Variants in FLT4 observed in about 807,000 individuals in gnomAD.
The protein encoded by FLT4 is vascular endothelial growth factor receptor 3.
Under a neutral mutation model 163.2 loss-of-function variants are expected in FLT4, and 30 were observed. The observed-to-expected ratio is 0.18, with a 90% CI of 0.14 to 0.25. FLT4 has a LOEUF of 0.25. Among genes scored for constraint, FLT4 ranks in the 10% least tolerant of loss-of-function variants. The probability of loss-of-function intolerance (pLI) is 1.00; values close to 1 mark genes in which losing one functional copy is unlikely to be tolerated. For synonymous variants in FLT4, 884 were observed against 789.5 expected, an observed-to-expected ratio of 1.12 and a Z score of -2.01; for missense variants, 1,510 against 1,863.8, an observed-to-expected ratio of 0.81 and a Z score of 3.50.
chr5:180,618,902 G>A lies in FLT4; in HGVS notation c.2869C>T (p.Arg957Cys). The change falls in exon 21 of 30, where the codon CGC becomes TGC. Residue 957 changes from arginine (R) to cysteine (C), a missense_variant. Arg to Cys is a radical substitution (Grantham distance 180). Around this residue, in one of 5 missense-constraint regions of FLT4, gnomAD observed 878 missense variants for 1,016.7 expected, o/e 0.86. Coordinates refer to ENST00000261937, the MANE Select transcript of FLT4 (RefSeq NM_182925.5). The part of the protein sequence containing the change: ...SPCAEKSPEQ[R>C]GRFRAMVELA... ...TCCACCATGGCGCGGAAGCGTCCGCGCTGCTCGGGAGACTTCTCCTGCGGA... is the reference window on the plus strand; with the variant it reads ...TCCACCATGGCGCGGAAGCGTCCGCACTGCTCGGGAGACTTCTCCTGCGGA... 6.3e-7 allele frequency: 1 copy of A among 1,586,210 alleles called. No homozygotes were observed. Among genetic ancestry groups the A allele is most frequent in the Non-Finnish European group, 8.6e-7 (1 of 1,167,158 alleles).
chr5:180,616,367 A>C lies in FLT4; in HGVS notation c.3219T>G (p.Ser1073Arg). The change falls in exon 23 of 30, where the codon AGT (serine) becomes AGG (arginine). Residue 1073 changes from serine (S) to arginine (R), a missense_variant and splice_region_variant. Physicochemically the swap from Ser to Arg is moderately radical, Grantham distance 110. Transcript: ENST00000261937. ...YKDPDYVRKGSARLPLKWMAP... is the reference protein window; with the variant it reads ...YKDPDYVRKGRARLPLKWMAP... Reference sequence around the variant, plus strand: ...CCTCTCCTCAATGGCCTGCACTCACACTGCCCTTGCGGACGTAGTCGGGGT... The same window carrying C: ...CCTCTCCTCAATGGCCTGCACTCACCCTGCCCTTGCGGACGTAGTCGGGGT... The C allele has an allele frequency of 6.2e-7, 1 of 1,613,854 alleles. No homozygotes were observed. The highest frequency in any genetic ancestry group is 8.5e-7 in the Non-Finnish European group (1 of 1,179,962).
In FLT4 at chr5:180,623,595, C is replaced by G. The variant is rs1329663718; in HGVS notation, c.1548+340G>C. Among the ~76,000 whole-genome samples the G allele has an allele frequency of 6.6e-6, 1 of 152,222 alleles. No homozygotes were observed. Among genetic ancestry groups the G allele is most frequent in the East Asian group, 1.9e-4 (1 of 5,186 alleles). On this transcript the variant is annotated intron_variant, in intron 11 of 29. Transcript: ENST00000261937. The surrounding 1 kb of genome is among the most constrained non-coding windows in gnomAD (Gnocchi z 5.8). ...CCCCCAGGCTGCGCCAGCGGCTCAGCAGCCCTCTGTGCAGACCTGGTCAGC... is the reference window on the plus strand; with the variant it reads ...CCCCCAGGCTGCGCCAGCGGCTCAGGAGCCCTCTGTGCAGACCTGGTCAGC...
chr5:180,628,831 C>G (rs1261636625), intron 8 of FLT4, 51 bp downstream of exon 8: 23 of 1,314,830 alleles, frequency 1.7e-5, no homozygotes, highest in Non-Finnish European at 2.4e-5. Context: ...CTGTTTTGCC[C>G]CTGGACTTGG....
chr5:180,625,973 G>T lies in FLT4; in HGVS notation c.1317C>A (p.Ser439Arg). Reference protein sequence around the residue: ...ASSPSIYSRHSRQALTCTAYG... With the variant: ...ASSPSIYSRHRRQALTCTAYG... Reference sequence around the variant, plus strand: ...AGGCCGTGCAGGTGAGGGCCTGGCGGCTGTGACGCGAGTAGATGCTGGGGG... The same window carrying T: ...AGGCCGTGCAGGTGAGGGCCTGGCGTCTGTGACGCGAGTAGATGCTGGGGG... The change falls in exon 10 of 30, where the codon AGC becomes AGA. Residue 439 changes from serine to arginine, a missense_variant. Physicochemically the swap from Ser to Arg is moderately radical, Grantham distance 110 (BLOSUM62 -1). This residue lies in a region of FLT4 where 878 missense variants were observed against 1,016.7 expected (regional missense o/e 0.86). Transcript: ENST00000261937. 2 of 1,612,740 alleles carry T rather than the reference G, an allele frequency of 1.2e-6. No individual in the cohort carries two copies. The highest frequency in any genetic ancestry group is 1.3e-5 in the African/African-American group (1 of 75,052).
At position 180,606,915 on chromosome 5, in the gene FLT4, ACAAAC is replaced by A. The variant is rs1426616827; in HGVS notation, c.3893+2048_3893+2052del. 1.3e-3 allele frequency among the ~76,000 whole-genome samples: 181 copies of A among 142,518 alleles called. 3 individuals are homozygous for A. The highest frequency in any genetic ancestry group is 4.5e-3 in the African/African-American group (171 of 37,826). The allele number at this position is 142,518 out of a possible 152,430, so 93.5% of individuals were successfully genotyped here. On this transcript the variant is annotated intron_variant, in intron 29 of 29. Coordinates refer to ENST00000261937, the MANE Select transcript of FLT4 (RefSeq NM_182925.5). Reference sequence around the variant, plus strand: ...TACTAAAAAAAAAAAAAAAAAAAAAACAAACAAACAAACTTAGCTGGGCGTGGTGG... The same window carrying A: ...TACTAAAAAAAAAAAAAAAAAAAAAAAAACAAACTTAGCTGGGCGTGGTGG...
intron 1 of FLT4, among the ~76,000 whole-genome samples, chr5:180,640,944 C>G (rs1420656270): frequency 6.6e-6 from 1 of 152,186 alleles, no homozygotes; most frequent in East Asian, 1.9e-4. Flanking sequence ...CGAATGATGG[C>G]TGAGTCCACA....
chr5:180,624,145 T>C (rs1763411532), intron 10 of FLT4, 84 bp from the exon 11 acceptor site: 2 of 1,533,828 alleles, frequency 1.3e-6, no homozygotes, highest in East Asian at 2.3e-5. Context: ...GCCCTTGTCA[T>C]ATCCAGTCAC....
chr5:180,627,632 G>A (rs1289790255), intron 8 of FLT4, among the ~76,000 whole-genome samples: 1 of 152,232 alleles, frequency 6.6e-6, no homozygotes, highest in Non-Finnish European at 1.5e-5. Context: ...GGAAGGGTGG[G>A]TGGCTGCCAT....
At chr5:180,643,233 A>G (rs554400823) in intron 1 of FLT4, among the ~76,000 whole-genome samples, 1 of 152,308 alleles carries the variant, frequency 6.6e-6, no homozygotes, top group Non-Finnish European at 1.5e-5. Context: ...CATCCCCCAC[A>G]GCCAATCGGT....
chr5:180,614,338 A>G (rs1409708850), intron 23 of FLT4, among the ~76,000 whole-genome samples, 159 bp from the exon 24 acceptor site: 1 of 124,510 alleles, frequency 8.0e-6, no homozygotes, highest in African/African-American at 2.8e-5. Context: ...GGCTGAGGCC[A>G]GATGCTCTGG....
intron 28 of FLT4, chr5:180,609,698 G>C: frequency 1.7e-6 from 1 of 592,852 alleles, no homozygotes; most frequent in South Asian, 1.8e-5. Flanking sequence ...CCTCGTGTGG[G>C]GGTGACGAGG....
Position 180,629,699 on chromosome 5 carries a change from C to T in FLT4, c.813G>A (p.Lys271=). ...GVTFDWDYPG[K]QAERGKWVPE... is the part of the protein sequence containing the mutation. The stretch of plus-strand genomic sequence containing the variant: ...CTGGCAGCGCTGCTGACCTCACCTG[C>T]TTCCCTGGGTAGTCCCAGTCAAAGG... The change falls in exon 6 of 30, where the codon AAG becomes AAA. Residue 271 remains lysine, a synonymous_variant. Coordinates refer to ENST00000261937, the MANE Select transcript of FLT4 (RefSeq NM_182925.5). 6.2e-7 allele frequency: 1 copy of T among 1,611,030 alleles called. No individual in the cohort carries two copies. The highest frequency in any genetic ancestry group is 8.5e-7 in the Non-Finnish European group (1 of 1,179,290).
chr5:180,634,184 A>G (rs1764378834), intron 1 of FLT4, among the ~76,000 whole-genome samples: 1 of 152,144 alleles, frequency 6.6e-6, no homozygotes, highest in Non-Finnish European at 1.5e-5. Flanking sequence ...TTCCTGGGAC[A>G]TCCCTCCTTC....
rs1763047224 is a variant in FLT4 at position 180,620,578 on chromosome 5, G to A, written c.2406+31C>T. 1 of 1,519,394 alleles carries A rather than the reference G, an allele frequency of 6.6e-7. No homozygotes were observed. The highest frequency in any genetic ancestry group is 1.4e-5 in the African/African-American group (1 of 73,058). The allele number at this position is 1,519,394 out of a possible 1,614,324, so 94.1% of individuals were successfully genotyped here. ...GCCAGGGTGGGGAAGGCCTGAGAGA[G>A]ACTCCATCAGGAGCGGGGAGGGACA... is the stretch of plus-strand genomic sequence containing the variant. On this transcript the variant is annotated intron_variant, in intron 16 of 29. Coordinates refer to ENST00000261937, the MANE Select transcript of FLT4 (RefSeq NM_182925.5). The surrounding 1 kb of genome is among the most constrained non-coding windows in gnomAD (Gnocchi z 4.4).
chr5:180,634,826 G>A (rs1307470499), intron 1 of FLT4, among the ~76,000 whole-genome samples: 2 of 71,218 alleles, frequency 2.8e-5, no homozygotes, highest in South Asian at 4.8e-4. Context: ...GGGTGGGTGG[G>A]TGGGAGGATG....
rs115760795 is a variant in FLT4, at chr5:180,623,201, C to T, written c.1549-362G>A. On this transcript the variant is annotated intron_variant, in intron 11 of 29. Coordinates refer to ENST00000261937, the MANE Select transcript of FLT4 (RefSeq NM_182925.5). The surrounding 1 kb of genome is among the most constrained non-coding windows in gnomAD (Gnocchi z 5.8). ...CAGGGTGAGAATTCAGCCTGGGTCA[C>T]AGCAAAAGCCAGTCACTTCTGGATG... Among the ~76,000 whole-genome samples the T allele has an allele frequency of 7.2e-5, 11 of 152,296 alleles. No homozygotes were observed. The highest frequency in any genetic ancestry group is 2.4e-4 in the African/African-American group (10 of 41,578).
intron 24 of FLT4, 178 bp from the exon 25 acceptor site, chr5:180,613,288 T>C: frequency 1.8e-6 from 1 of 552,394 alleles, no homozygotes; most frequent in Admixed American, 3.2e-5. Flanking sequence ...TGTGGGCAAG[T>C]CGCTGCCCTC....
chr5:180,603,838 A>G (rs1761643494), intron 29 of FLT4, among the ~76,000 whole-genome samples: 1 of 151,532 alleles, frequency 6.6e-6, no homozygotes, highest in South Asian at 2.1e-4. Flanking sequence ...CGGGAGGCGG[A>G]GCTTGCAGTG....
chr5:180,642,808 A>G (rs754040999), intron 1 of FLT4, among the ~76,000 whole-genome samples: 38 of 152,172 alleles, frequency 2.5e-4, no homozygotes, highest in Non-Finnish European at 4.4e-4. Flanking sequence ...CACAGTAATG[A>G]TAAACAGCAT....
Sources: allele counts gnomAD v4.1 joint callset (sites outside exome capture counted in the v4.1 genomes callset), GRCh38; gene constraint gnomAD v4.1.1; regional missense constraint gnomAD v4.1.1; non-coding constraint Gnocchi (gnomAD v3.1); transcripts MANE v1.5; gene names NCBI Gene and HGNC (gene_info 2026-07-23, HGNC 2026-07-21).